Variants in TENM1 observed in about 807,000 individuals in gnomAD.
TENM1 encodes the protein teneurin transmembrane protein 1.
A neutral mutation model predicts 174.8 loss-of-function variants in TENM1; 35 were observed. The observed-to-expected ratio is 0.20, with a 90% CI of 0.15 to 0.27. The LOEUF (loss-of-function observed/expected upper bound fraction) is 0.27, where lower values mean the gene tolerates loss of function less well. TENM1 is among the 10% of genes least tolerant of loss of function. The pLI is 1.00. For synonymous variants in TENM1, 781 were observed against 798.7 expected (o/e 0.98, Z 0.37); for missense variants, 1,633 against 2,130.1 (o/e 0.77, Z 4.59).
intron 7 of TENM1, among the ~76,000 whole-genome samples, chrX:124,652,923 T>C (rs757917354): frequency 2.7e-5 from 3 of 111,884 alleles, no homozygotes; most frequent in Non-Finnish European, 5.6e-5. Context: ...CATGATCTCT[T>C]GACTAACTGA....
At chrX:124,981,426 T>C in the TENM1 span, among the ~76,000 whole-genome samples, 2 of 111,927 alleles carry the variant, frequency 1.8e-5, no homozygotes, top group Non-Finnish European at 3.8e-5. Flanking sequence ...CCGAGAGCCA[T>C]GTGCAGGAAA....
intron 11 of TENM1, among the ~76,000 whole-genome samples, chrX:124,614,173 C>G (rs1420288840): frequency 9.0e-6 from 1 of 111,448 alleles, no homozygotes; most frequent in Admixed American, 9.5e-5. Flanking sequence ...AGAGTCAGGG[C>G]TGGGAGGAGA....
Position 124,394,393 on chromosome X carries a change from A to G in TENM1, c.5392-2045T>C, listed in dbSNP as rs758754880. On this transcript the variant is annotated intron_variant, in intron 27 of 31. Coordinates refer to ENST00000422452, the Ensembl canonical transcript of TENM1. ...TTAGGGGGGCTTTGAACCTTTCTGA[A>G]AAACCTAAACATAAAACCTTTTCAG... Among the ~76,000 whole-genome samples, 10 of 111,984 alleles carry G rather than the reference A, an allele frequency of 8.9e-5. 1 individual carries two copies. Among genetic ancestry groups the G allele is most frequent in the Non-Finnish European group, 1.5e-4 (8 of 53,180 alleles).
the TENM1 span, among the ~76,000 whole-genome samples, chrX:124,977,097 C>G: frequency 9.0e-6 from 1 of 111,573 alleles, no homozygotes; most frequent in Non-Finnish European, 1.9e-5. Context: ...AGCTTGGGCC[C>G]ATTGTGTCAC....
chrX:124,714,313 A>G (rs1000022342), intron 4 of TENM1, among the ~76,000 whole-genome samples: 2 of 112,040 alleles, frequency 1.8e-5, no homozygotes, highest in African/African-American at 6.5e-5. Context: ...CTTATTTATT[A>G]CTGTATCTTC....
intron 11 of TENM1, among the ~76,000 whole-genome samples, chrX:124,600,557 T>C (rs1460376885): frequency 9.0e-6 from 1 of 111,371 alleles, no homozygotes; most frequent in East Asian, 2.8e-4. Flanking sequence ...GAAGATACCA[T>C]ATTAATTAAA....
At chrX:125,147,095 ATATC>A in the TENM1 span, among the ~76,000 whole-genome samples, 4 of 109,179 alleles carry the variant, frequency 3.7e-5, no homozygotes, top group East Asian at 5.7e-4. Context: ...GTGTGTATAT[ATATC>A]TAATTTATAT....
chrX:124,385,878 G>C (rs1371936717), exon 29 of TENM1: 1 of 1,210,246 alleles, frequency 8.3e-7, no homozygotes, highest in Non-Finnish European at 1.1e-6. Flanking sequence ...CGGCCATCTC[G>C]ACTATAGTCT....
At chrX:124,518,270 G>C (rs1228505927) in intron 18 of TENM1, among the ~76,000 whole-genome samples, 1 of 110,704 alleles carries the variant, frequency 9.0e-6, no homozygotes, top group Non-Finnish European at 1.9e-5. Context: ...ACAGTCTCTA[G>C]ATGGTGCCAC....
At chrX:124,962,945 C>T (rs573981112) in intron 1 of TENM1, among the ~76,000 whole-genome samples, 3 of 112,657 alleles carry the variant, frequency 2.7e-5, no homozygotes, top group African/African-American at 6.4e-5. Flanking sequence ...AACAGGAAAT[C>T]GTATTTCTAC....
At chrX:124,777,436 A>G (rs180704916) in intron 3 of TENM1, among the ~76,000 whole-genome samples, 101 of 111,742 alleles carry the variant, frequency 9.0e-4, no homozygotes, top group Non-Finnish European at 1.0e-3. Context: ...GTACTTTGTC[A>G]AGTATTCAAG....
intron 11 of TENM1, among the ~76,000 whole-genome samples, chrX:124,573,296 A>G (rs965417009): frequency 8.9e-6 from 1 of 111,737 alleles, no homozygotes; most frequent in African/African-American, 3.2e-5. Context: ...GGATATATAC[A>G]TATTTGGAAA....
chrX:124,510,775 T>TAC (rs755205162), intron 18 of TENM1, among the ~76,000 whole-genome samples: 6 of 103,575 alleles, frequency 5.8e-5, no homozygotes, highest in Non-Finnish European at 7.8e-5. Flanking sequence ...CATGGGGAGA[T>TAC]ACACACACAC....
At chrX:125,069,909 G>GT in the TENM1 span, among the ~76,000 whole-genome samples, 4 of 110,995 alleles carry the variant, frequency 3.6e-5, no homozygotes, top group African/African-American at 9.8e-5. Context: ...AATGCCTATT[G>GT]TTTTTTTACT....
chrX:124,832,178 A>G (rs1204021039), intron 3 of TENM1, among the ~76,000 whole-genome samples: 1 of 112,221 alleles, frequency 8.9e-6, no homozygotes, highest in African/African-American at 3.2e-5. Flanking sequence ...TATGTTCATA[A>G]CAAAAACTTA....
the TENM1 span, among the ~76,000 whole-genome samples, chrX:125,051,142 A>T: frequency 9.0e-6 from 1 of 111,594 alleles, no homozygotes; most frequent in Non-Finnish European, 1.9e-5. Context: ...TACAAAAGGG[A>T]TGTGAAGGAC....
In TENM1 at chrX:124,886,522, C is replaced by CATAT. The variant is rs3056632; in HGVS notation, c.535+7770_535+7773dup. On this transcript the variant is annotated intron_variant, in intron 3 of 31. Coordinates refer to ENST00000422452, the Ensembl canonical transcript of TENM1. ...ATAGTACTGCTAGCAAAAACATATA[C>CATAT]ATATATATATATATATATATATATA... is the stretch of plus-strand genomic sequence containing the variant. Among the ~76,000 whole-genome samples, 333 of 74,860 alleles carry CATAT rather than the reference C, an allele frequency of 4.4e-3. 1 individual carries two copies. Among genetic ancestry groups the CATAT allele is most frequent in the South Asian group, 5.1e-3 (6 of 1,188 alleles). The allele number at this position is 74,860 out of a possible 115,157, so 65.0% of individuals were successfully genotyped here.
chrX:124,649,691 T>TA (rs2051247683), intron 8 of TENM1, among the ~76,000 whole-genome samples: 1 of 112,268 alleles, frequency 8.9e-6, no homozygotes, highest in South Asian at 3.7e-4. Flanking sequence ...GGCCAGTGTT[T>TA]GACCTATATT....
chrX:124,881,127 G>A (rs942612026), intron 3 of TENM1, among the ~76,000 whole-genome samples: 1 of 111,467 alleles, frequency 9.0e-6, no homozygotes, highest in African/African-American at 3.3e-5. Context: ...TAGAAGGTTC[G>A]GTAAAAATTG....
Sources: allele counts gnomAD v4.1 joint callset (sites outside exome capture counted in the v4.1 genomes callset), GRCh38; gene constraint gnomAD v4.1.1; transcripts MANE v1.5; gene names NCBI Gene and HGNC (gene_info 2026-07-23, HGNC 2026-07-21).